The following SYNDIG1 variants were observed in gnomAD, a reference collection of about 807,000 sequenced individuals.
SYNDIG1 encodes synapse differentiation inducing 1, also known as synapse differentiation-inducing gene protein 1.
A neutral mutation model predicts 19.4 loss-of-function variants in SYNDIG1; 9 were observed. That is an observed-to-expected ratio of 0.46 (90% confidence interval 0.28 to 0.81). The LOEUF is 0.81. Among genes scored for constraint, SYNDIG1 ranks in the 30% least tolerant of loss-of-function variants. The pLI is 0.12. For missense variants in SYNDIG1, 311 were observed against 343.3 expected (o/e 0.91, Z 0.74); for synonymous variants, 141 against 145.9 (o/e 0.97, Z 0.24).
intron 3 of SYNDIG1, among the ~76,000 whole-genome samples, chr20:24,594,416 T>C (rs1049627274): frequency 1.3e-5 from 2 of 152,244 alleles, no homozygotes; most frequent in African/African-American, 4.8e-5. Flanking sequence ...CATGCTGTTT[T>C]GGTTATTGTG....
At chr20:24,540,598 T>C (rs541398947) in intron 1 of SYNDIG1, among the ~76,000 whole-genome samples, 1 of 152,336 alleles carries the variant, frequency 6.6e-6, no homozygotes, top group African/African-American at 2.4e-5. Flanking sequence ...CATCAATGCT[T>C]TTCCAGAAAT....
At chr20:24,574,436 C>T (rs189709879) in intron 2 of SYNDIG1, among the ~76,000 whole-genome samples, 101 of 152,112 alleles carry the variant, frequency 6.6e-4, no homozygotes, top group African/African-American at 2.0e-3. Flanking sequence ...TTGCAGTGAG[C>T]CGAGATTGTG....
At chr20:24,630,841 C>T (rs2059230197) in intron 3 of SYNDIG1, among the ~76,000 whole-genome samples, 1 of 152,232 alleles carries the variant, frequency 6.6e-6, no homozygotes, top group Non-Finnish European at 1.5e-5. Context: ...GGGAAGGTGA[C>T]TCTGAAGCAG....
chr20:24,574,202 G>T (rs538332060), intron 2 of SYNDIG1, among the ~76,000 whole-genome samples: 1 of 152,072 alleles, frequency 6.6e-6, no homozygotes. Context: ...GTTAGGCGGG[G>T]CACGGTGGCT....
At chr20:24,507,958 C>G (rs1361383260) in intron 1 of SYNDIG1, among the ~76,000 whole-genome samples, 1 of 152,184 alleles carries the variant, frequency 6.6e-6, no homozygotes, top group African/African-American at 2.4e-5. Flanking sequence ...GGGAAGCACC[C>G]TCAGTGGATA....
At chr20:24,566,051 A>G (rs2058036568) in intron 2 of SYNDIG1, among the ~76,000 whole-genome samples, 1 of 152,162 alleles carries the variant, frequency 6.6e-6, no homozygotes, top group African/African-American at 2.4e-5. Flanking sequence ...TTGCTAAGAG[A>G]TTCCTCCCAG....
intron 1 of SYNDIG1, among the ~76,000 whole-genome samples, chr20:24,541,610 T>G (rs548980154): frequency 1.1e-4 from 17 of 152,250 alleles, no homozygotes; most frequent in African/African-American, 3.9e-4. Context: ...TATAAGATGA[T>G]GACACGGGGA....
intron 3 of SYNDIG1, among the ~76,000 whole-genome samples, chr20:24,616,498 C>G (rs2058935048): frequency 6.6e-6 from 1 of 152,242 alleles, no homozygotes; most frequent in Non-Finnish European, 1.5e-5. Flanking sequence ...AACCTGCCTC[C>G]CCTCTGGCAG....
chr20:24,507,851 A>T (rs1462944688), intron 1 of SYNDIG1, among the ~76,000 whole-genome samples: 2 of 152,126 alleles, frequency 1.3e-5, no homozygotes, highest in East Asian at 3.9e-4. Flanking sequence ...CCATGGTCCC[A>T]CTCAAGGAGC....
At chr20:24,478,368 G>A (rs1395309859) in intron 1 of SYNDIG1, among the ~76,000 whole-genome samples, 1 of 152,182 alleles carries the variant, frequency 6.6e-6, no homozygotes, top group Admixed American at 6.5e-5. Context: ...CTCCCTCGGC[G>A]AGCTCCCCAG....
chr20:24,517,630 GTA>G (rs753046947), intron 1 of SYNDIG1, among the ~76,000 whole-genome samples: 13 of 129,800 alleles, frequency 1.0e-4, no homozygotes, highest in Non-Finnish European at 1.5e-4. Context: ...AAAAAAAAAA[GTA>G]TATATATATA....
intron 3 of SYNDIG1, among the ~76,000 whole-genome samples, chr20:24,662,704 G>A (rs1438792070): frequency 5.3e-5 from 8 of 152,240 alleles, no homozygotes; most frequent in African/African-American, 9.6e-5. Flanking sequence ...TTGGGGCTTC[G>A]CCAGTCACCT....
chr20:24,660,071 C>A (rs557773373), intron 3 of SYNDIG1, among the ~76,000 whole-genome samples: 1 of 152,332 alleles, frequency 6.6e-6, no homozygotes, highest in South Asian at 2.1e-4. Context: ...TTGTTCATCA[C>A]TGTGTCTCTG....
At chr20:24,650,094 G>A (rs575846452) in intron 3 of SYNDIG1, among the ~76,000 whole-genome samples, 1 of 152,302 alleles carries the variant, frequency 6.6e-6, no homozygotes, top group East Asian at 1.9e-4. Context: ...AATAGGGGTA[G>A]CATGCAGGCA....
intron 3 of SYNDIG1, among the ~76,000 whole-genome samples, chr20:24,608,896 G>A (rs1439369772): frequency 6.6e-6 from 1 of 152,180 alleles, no homozygotes; most frequent in African/African-American, 2.4e-5. Context: ...ACAGCATACA[G>A]TACTGCTTTG....
chr20:24,596,014 C>T (rs1195170259), intron 3 of SYNDIG1, among the ~76,000 whole-genome samples: 2 of 152,094 alleles, frequency 1.3e-5, no homozygotes, highest in East Asian at 3.9e-4. Flanking sequence ...GGTTGGTTTG[C>T]TCTTGTTTCT....
intron 3 of SYNDIG1, among the ~76,000 whole-genome samples, chr20:24,598,411 G>A (rs971241985): frequency 1.3e-5 from 2 of 152,256 alleles, no homozygotes; most frequent in Admixed American, 6.5e-5. Flanking sequence ...CAGAGCCACT[G>A]TTTCACAGAA....
chr20:24,605,468 A>G (rs2058743935), intron 3 of SYNDIG1, among the ~76,000 whole-genome samples: 1 of 152,162 alleles, frequency 6.6e-6, no homozygotes, highest in South Asian at 2.1e-4. Context: ...CAATATGCAT[A>G]TTTAATATGC....
At chr20:24,643,394 T>C (rs1218011590) in intron 3 of SYNDIG1, among the ~76,000 whole-genome samples, 1 of 152,138 alleles carries the variant, frequency 6.6e-6, no homozygotes, top group African/African-American at 2.4e-5. Context: ...AGTAACTTTA[T>C]CAGCTAGAGT....
Sources: gnomAD v4.1 joint callset for allele counts (sites outside exome capture counted in the v4.1 genomes callset) on GRCh38, gnomAD v4.1.1 for gene constraint, MANE v1.5 for transcripts, NCBI Gene and HGNC (gene_info 2026-07-23, HGNC 2026-07-21) for gene names.